The following EML6 variants were observed in gnomAD, a reference collection of about 807,000 sequenced individuals.
The protein encoded by EML6 is EMAP like 6.
In EML6, 154 loss-of-function variants were observed where a neutral mutation model predicts 240.1. That is an observed-to-expected ratio of 0.64 (90% CI 0.56 to 0.73). The LOEUF is 0.73. Among genes scored for constraint, EML6 ranks in the 30% least tolerant of loss-of-function variants. EML6 has a pLI of 0.00. For missense variants in EML6, 2,964 were observed against 2,474.6 expected, an observed-to-expected ratio of 1.20 and a Z score of -4.20; for synonymous variants, 1,148 against 899.0, an observed-to-expected ratio of 1.28 and a Z score of -4.95.
At chr2:54,869,915 G>T (rs1671165214) in intron 15 of EML6, among the ~76,000 whole-genome samples, 1 of 151,904 alleles carries the variant, frequency 6.6e-6, no homozygotes, top group South Asian at 2.1e-4. Context: ...CAATCATTTG[G>T]GAGTGTAAAG....
intron 2 of EML6, among the ~76,000 whole-genome samples, chr2:54,729,147 T>C (rs1683043271): frequency 6.6e-6 from 1 of 152,338 alleles, no homozygotes; most frequent in Non-Finnish European, 1.5e-5. Flanking sequence ...CCTTTGTAGT[T>C]TGTTGTGGGG....
chr2:54,938,982 T>A (rs188065029), intron 28 of EML6, among the ~76,000 whole-genome samples: 4 of 152,200 alleles, frequency 2.6e-5, no homozygotes, highest in Non-Finnish European at 5.9e-5. Context: ...CCCAAGTAGG[T>A]TGTCAACTCT....
chr2:54,792,750 C>T lies in EML6; in HGVS notation c.198-20482C>T, dbSNP rs114254805. ...TTTTTTATACCTAATACTATGGGCA[C>T]TTTGGGATAAAATAGAAATACGCTA... On this transcript the variant is annotated intron_variant, in intron 2 of 41. Coordinates refer to ENST00000356458, the MANE Select transcript of EML6 (RefSeq NM_001039753.4). 2.3e-3 allele frequency among the ~76,000 whole-genome samples: 353 copies of T among 152,202 alleles called. 3 individuals are homozygous for T. The highest frequency in any genetic ancestry group is 3.4e-3 in the Middle Eastern group (1 of 294).
chr2:54,785,244 C>T (rs1268171242), intron 2 of EML6, among the ~76,000 whole-genome samples: 6 of 148,376 alleles, frequency 4.0e-5, no homozygotes, highest in East Asian at 3.9e-4. Flanking sequence ...GGCGCAATCT[C>T]GGCTCACCAC....
intron 36 of EML6, among the ~76,000 whole-genome samples, chr2:54,963,350 A>T (rs368338836): frequency 2.0e-5 from 3 of 152,144 alleles, no homozygotes; most frequent in South Asian, 4.1e-4. Context: ...TTTATTAAAC[A>T]TTATTAGCAA....
At chr2:54,791,869 CTG>C (rs1257176533) in intron 2 of EML6, among the ~76,000 whole-genome samples, 1 of 152,156 alleles carries the variant, frequency 6.6e-6, no homozygotes, top group African/African-American at 2.4e-5. Flanking sequence ...TATCTGTAAA[CTG>C]AGAGGGTGGG....
At chr2:54,966,329 A>G (rs1196234060) in intron 38 of EML6, among the ~76,000 whole-genome samples, 1 of 152,238 alleles carries the variant, frequency 6.6e-6, no homozygotes, top group Non-Finnish European at 1.5e-5. Flanking sequence ...GGCCATCTGC[A>G]TGAAAGCCCT....
At chr2:54,833,013 G>C (rs1266114711) in intron 7 of EML6, among the ~76,000 whole-genome samples, 3 of 152,142 alleles carry the variant, frequency 2.0e-5, no homozygotes, top group Admixed American at 2.0e-4. Flanking sequence ...CATTTCAATG[G>C]AAATGTAGCG....
rs149063173 is a variant in EML6, at chr2:54,834,628, T to C, written c.847+5151T>C. Among the ~76,000 whole-genome samples, 1,042 of 152,320 alleles carry C rather than the reference T, an allele frequency of 6.8e-3. 7 individuals carry two copies. The highest frequency in any genetic ancestry group is 0.02 in the Middle Eastern group (6 of 294). The stretch of plus-strand genomic sequence containing the variant: ...GTGTGAGTGGAGGTCGGGGGAGTTC[T>C]GTGGGTTTTAACTACCAACACATAT... On this transcript the variant is annotated intron_variant, in intron 7 of 41. Transcript: ENST00000356458.
rs531089387 is a variant in EML6 at position 54,928,805 on chromosome 2, G to C, written c.4004+54G>C. ...TATTATACCTGATGACAAGAAACTT[G>C]TTTAAGCCAGAGTGCGTTTTCTTTG... On this transcript the variant is annotated intron_variant, in intron 28 of 41. Transcript: ENST00000356458. The C allele has an allele frequency of 6.5e-4, 1,008 of 1,548,790 alleles. 11 individuals carry two copies. The South Asian group carries it at 0.011, about 17-fold the overall frequency.
At chr2:54,818,966 T>G (rs1330351251) in intron 4 of EML6, among the ~76,000 whole-genome samples, 2 of 152,220 alleles carry the variant, frequency 1.3e-5, no homozygotes, top group Admixed American at 1.3e-4. Context: ...ATGAATGTTT[T>G]ATACCCTGCA....
Position 54,725,243 on chromosome 2 carries a change from A to T in EML6, c.182A>T (p.Asn61Ile), listed in dbSNP as rs771545400. 2.0e-6 allele frequency: 3 copies of T among 1,481,250 alleles called. No individual in the cohort carries two copies. 91.8% of individuals were successfully genotyped at this position (1,481,250 alleles called of 1,614,324 possible). ...AGCCAAAAATTCTTCCTGGGACACAACGACGACATTATCAGGTAAGGGGGT... is the reference window on the plus strand; with the variant it reads ...AGCCAAAAATTCTTCCTGGGACACATCGACGACATTATCAGGTAAGGGGGT... ...EHSQKFFLGH[N>I]DDIISLALHP... Residue 61 changes from asparagine (N) to isoleucine (I), a missense_variant, in exon 2 of 42, where the codon AAC becomes ATC. Physicochemically the swap from Asn to Ile is moderately radical, Grantham distance 149. Transcript: ENST00000356458. This position sits in a 1 kb window ranked among gnomAD's most constrained non-coding sequence, Gnocchi z 4.3.
intron 38 of EML6, among the ~76,000 whole-genome samples, chr2:54,965,259 C>G (rs1413555922): frequency 1.3e-5 from 2 of 152,214 alleles, no homozygotes; most frequent in East Asian, 3.8e-4. Context: ...TTCTCTAGCA[C>G]TCAAGAAATC....
chr2:54,828,169 C>T (rs1286495474), intron 6 of EML6, among the ~76,000 whole-genome samples: 2 of 152,058 alleles, frequency 1.3e-5, no homozygotes, highest in African/African-American at 2.4e-5. Context: ...GTGTAGATAA[C>T]GATTGCTCTT....
intron 28 of EML6, among the ~76,000 whole-genome samples, chr2:54,935,553 C>A (rs1675092228): frequency 6.6e-6 from 1 of 152,164 alleles, no homozygotes; most frequent in African/African-American, 2.4e-5. Context: ...TAAAACTTTA[C>A]CCAATTAAAG....
At chr2:54,782,927 C>T (rs531311027) in intron 2 of EML6, among the ~76,000 whole-genome samples, 21 of 152,298 alleles carry the variant, frequency 1.4e-4, no homozygotes, top group African/African-American at 4.3e-4. Context: ...TTTAGGGCTG[C>T]TGGGATGATT....
chr2:54,791,454 C>G (rs1040142243), intron 2 of EML6, among the ~76,000 whole-genome samples: 13 of 152,352 alleles, frequency 8.5e-5, no homozygotes, highest in African/African-American at 2.4e-4. Flanking sequence ...ACCCCTTCCT[C>G]TTGTACCTGT....
intron 10 of EML6, among the ~76,000 whole-genome samples, chr2:54,850,617 C>A: frequency 6.6e-6 from 1 of 151,636 alleles, no homozygotes; most frequent in Non-Finnish European, 1.5e-5. Flanking sequence ...TCTCACATGA[C>A]CAATAAAAGA....
intron 7 of EML6, among the ~76,000 whole-genome samples, chr2:54,834,531 A>T (rs1669035032): frequency 6.6e-6 from 1 of 152,236 alleles, no homozygotes; most frequent in African/African-American, 2.4e-5. Context: ...TAAACATCCA[A>T]GTGCCAGATA....
Sources: allele counts gnomAD v4.1 joint callset (sites outside exome capture counted in the v4.1 genomes callset), GRCh38; gene constraint gnomAD v4.1.1; non-coding constraint Gnocchi (gnomAD v3.1); transcripts MANE v1.5; gene names NCBI Gene and HGNC (gene_info 2026-07-23, HGNC 2026-07-21).